Variants in CSMD2 observed in about 807,000 individuals in gnomAD.
CSMD2 encodes CUB and sushi domain-containing protein 2.
A neutral mutation model predicts 398.5 loss-of-function variants in CSMD2; 130 were observed. The observed-to-expected ratio is 0.33, with a 90% CI of 0.28 to 0.38. The LOEUF (loss-of-function observed/expected upper bound fraction) is 0.38, where lower values mean the gene tolerates loss of function less well. Ranked by LOEUF, CSMD2 falls within the 10% of genes least tolerant of loss-of-function variation. CSMD2 has a pLI of 1.00. For missense variants in CSMD2, 3,829 were observed against 4,764.9 expected (o/e 0.80, Z 5.78); for synonymous variants, 1,828 against 1,908.5 (o/e 0.96, Z 1.10).
At chr1:33,760,943 G>A (rs1649745108) in intron 13 of CSMD2, among the ~76,000 whole-genome samples, 1 of 152,008 alleles carries the variant, frequency 6.6e-6, no homozygotes, top group African/African-American at 2.4e-5. Flanking sequence ...TTTGCTCTTT[G>A]ATCCTCAGTC....
At position 33,698,824 on chromosome 1, in the gene CSMD2, C is replaced by T. The variant is rs191240645; in HGVS notation, c.3854G>A (p.Arg1285Gln). 1.5e-5 allele frequency: 25 copies of T among 1,614,220 alleles called. No individual in the cohort carries two copies. The highest frequency in any genetic ancestry group is 1.1e-4 in the South Asian group (10 of 91,076). The change falls in exon 24 of 71, where the codon CGG becomes CAG. Residue 1285 changes from arginine (R) to glutamine (Q), a missense_variant. By Grantham distance (43) the Arg-to-Gln change is conservative. This residue lies in a region of CSMD2 where 2,001 missense variants were observed against 2,567.1 expected (regional missense o/e 0.78). Transcript: ENST00000373381. ...CAGACACAGCAGCTCCTCACTACCCCGCAGGCTGTATCCAGGGTCACAGCT... is the reference window on the plus strand; with the variant it reads ...CAGACACAGCAGCTCCTCACTACCCTGCAGGCTGTATCCAGGGTCACAGCT... ...SFSCDPGYSL[R>Q]GSEELLCLSG... is the part of the protein sequence containing the mutation.
At chr1:33,661,337 T>C (rs1644125815) in intron 26 of CSMD2, among the ~76,000 whole-genome samples, 1 of 152,166 alleles carries the variant, frequency 6.6e-6, no homozygotes, top group African/African-American at 2.4e-5. Context: ...TGCTGGGAGA[T>C]CCTTCCATTG....
intron 2 of CSMD2, among the ~76,000 whole-genome samples, chr1:34,067,897 T>C (rs1655287000): frequency 6.6e-6 from 1 of 152,200 alleles, no homozygotes; most frequent in Non-Finnish European, 1.5e-5. Flanking sequence ...CCACTCTCCA[T>C]GACTCCAGGA....
intron 2 of CSMD2, among the ~76,000 whole-genome samples, chr1:34,037,579 G>A (rs12747400): frequency 1.3e-5 from 2 of 152,156 alleles, no homozygotes; most frequent in African/African-American, 2.4e-5. Context: ...CCATCTCCAG[G>A]TGGGCCCAAT....
chr1:34,089,161 T>C lies in CSMD2; in HGVS notation c.220A>G (p.Asn74Asp), dbSNP rs1462481351. The C allele has an allele frequency of 5.0e-6, 8 of 1,614,184 alleles. No homozygotes were observed. The highest frequency in any genetic ancestry group is 1.1e-5 in the South Asian group (1 of 91,076). ...QNCTFQLHGP[N>D]GTVESPGFPY... ...AACCCTGGGCTCTCAACTGTCCCAT[T>C]GGGACCGTGCAGTTGGAACGTGCAG... Residue 74 changes from asparagine (N) to aspartate (D), a missense_variant, in exon 2 of 71, where the codon AAT becomes GAT. Coordinates refer to ENST00000373381, the MANE Select transcript of CSMD2 (RefSeq NM_001281956.2).
In CSMD2 at chr1:34,112,197, A is replaced by G. The variant is rs188506411; in HGVS notation, c.188-23004T>C. On this transcript the variant is annotated intron_variant, in intron 1 of 70. Coordinates refer to ENST00000373381, the MANE Select transcript of CSMD2 (RefSeq NM_001281956.2). ...TTGCCCCTTGCCCATACACATGCAA[A>G]CCAAGGTGAAAAACATGATCAGGCT... is the stretch of plus-strand genomic sequence containing the variant. Among the ~76,000 whole-genome samples the G allele has an allele frequency of 8.2e-4, 125 of 152,276 alleles. 1 individual carries two copies. Among genetic ancestry groups the G allele is most frequent in the South Asian group, 2.9e-3 (14 of 4,818 alleles).
intron 7 of CSMD2, 32 bp from the exon 8 acceptor site, chr1:33,820,588 A>AAAAAAAAAAAAAAAAAAAAAC (rs371046549): frequency 1.1e-6 from 1 of 908,898 alleles, no homozygotes. Context: ...AAAAAAAAAA[A>AAAAAAAAAAAAAAAAAAAAAC]CAGCACACAC....
chr1:33,632,050 TTAG>T (rs1462328074), intron 32 of CSMD2, among the ~76,000 whole-genome samples: 3 of 152,018 alleles, frequency 2.0e-5, no homozygotes, highest in African/African-American at 7.2e-5. Flanking sequence ...TCATAAAAAT[TTAG>T]TATATGTAAA....
chr1:33,681,932 C>T (rs1346445739), intron 25 of CSMD2, among the ~76,000 whole-genome samples: 1 of 152,192 alleles, frequency 6.6e-6, no homozygotes, highest in Admixed American at 6.5e-5. Context: ...CACCACTGCA[C>T]TCCAGCCTGG....
At chr1:33,717,089 A>C (rs1040766603) in intron 19 of CSMD2, among the ~76,000 whole-genome samples, 7 of 152,084 alleles carry the variant, frequency 4.6e-5, no homozygotes, top group African/African-American at 1.7e-4. Context: ...TAAGGGAAGG[A>C]AGAGTGTCCC....
chr1:34,102,846 T>C (rs1660117162), intron 1 of CSMD2, among the ~76,000 whole-genome samples: 1 of 152,224 alleles, frequency 6.6e-6, no homozygotes, highest in Non-Finnish European at 1.5e-5. Flanking sequence ...AAGCCAGGTG[T>C]TCCTGGTGCC....
chr1:33,545,969 A>G, intron 57 of CSMD2, 68 bp downstream of exon 57: 1 of 1,475,952 alleles, frequency 6.8e-7, no homozygotes, highest in Non-Finnish European at 9.2e-7. Flanking sequence ...GCCTGGGAAT[A>G]AGAGCAGGAG....
intron 12 of CSMD2, among the ~76,000 whole-genome samples, chr1:33,774,591 A>G (rs566031955): frequency 3.3e-5 from 5 of 152,282 alleles, no homozygotes; most frequent in African/African-American, 1.2e-4. Flanking sequence ...GTTACACAGC[A>G]TTTCAAGACA....
chr1:34,063,833 C>T (rs919188258), intron 2 of CSMD2, among the ~76,000 whole-genome samples: 20 of 152,338 alleles, frequency 1.3e-4, no homozygotes, highest in African/African-American at 3.6e-4. Flanking sequence ...GGGCCCCGCC[C>T]GTACAGCAAA....
Position 33,548,575 on chromosome 1 carries a change from G to GT in CSMD2, c.8917+1601dup, listed in dbSNP as rs1468576188. Among the ~76,000 whole-genome samples the GT allele has an allele frequency of 2.6e-5, 4 of 152,318 alleles. No individual in the cohort carries two copies. The East Asian group carries it at 7.7e-4, about 29-fold the overall frequency. ...ACTTTGACCTGGAATTCATGAATGT[G>GT]TATTTCATAGGACTGGCAGGAGATG... On this transcript the variant is annotated intron_variant, in intron 56 of 70. Transcript: ENST00000373381.
At chr1:33,995,146 G>A (rs960463985) in intron 3 of CSMD2, among the ~76,000 whole-genome samples, 1 of 152,024 alleles carries the variant, frequency 6.6e-6, no homozygotes, top group South Asian at 2.1e-4. Flanking sequence ...CTTTGCAAAT[G>A]TTTCCAGTGA....
intron 3 of CSMD2, among the ~76,000 whole-genome samples, chr1:33,967,621 CA>C (rs1230533819): frequency 5.9e-5 from 9 of 152,160 alleles, no homozygotes; most frequent in African/African-American, 1.9e-4. Context: ...AAAAACAATA[CA>C]TTAACTCTTT....
intron 44 of CSMD2, among the ~76,000 whole-genome samples, chr1:33,592,848 C>T (rs1639562568): frequency 6.6e-6 from 1 of 151,646 alleles, no homozygotes; most frequent in Non-Finnish European, 1.5e-5. Flanking sequence ...ACTCGGGAGG[C>T]TGAGGCAGGA....
At chr1:33,534,525 A>G (rs767040344) in intron 62 of CSMD2, among the ~76,000 whole-genome samples, 10 of 151,846 alleles carry the variant, frequency 6.6e-5, no homozygotes, top group Non-Finnish European at 1.3e-4. Context: ...CCAGCCCCTC[A>G]CTGTACAACT....
Sources: gnomAD v4.1 joint callset for allele counts (sites outside exome capture counted in the v4.1 genomes callset) on GRCh38, gnomAD v4.1.1 for gene constraint, gnomAD v4.1.1 regional missense constraint, MANE v1.5 for transcripts, NCBI Gene and HGNC (gene_info 2026-07-23, HGNC 2026-07-21) for gene names.